MTIF2: variants seen among roughly 807,000 people sequenced by gnomAD.
The protein encoded by MTIF2 is mitochondrial translational initiation factor 2.
Under a neutral mutation model 83.5 loss-of-function variants are expected in MTIF2, and 71 were observed. The ratio of observed to expected loss-of-function variants is 0.85; its 90% CI spans 0.70 to 1.04. The LOEUF (loss-of-function observed/expected upper bound fraction) is 1.04. Ranked by LOEUF, MTIF2 falls within the 50% of genes least tolerant of loss-of-function variation. The pLI, the probability that MTIF2 is intolerant of heterozygous loss-of-function variation, is 0.00. For synonymous variants in MTIF2, 319 were observed against 287.1 expected (o/e 1.11, Z -1.12); for missense variants, 957 against 846.5 (o/e 1.13, Z -1.62).
intron 13 of MTIF2, 70 bp downstream of exon 13, chr2:55,242,870 A>ATT: frequency 2.0e-6 from 3 of 1,501,054 alleles, no homozygotes; most frequent in Non-Finnish European, 1.8e-6. Context: ...GCCAAGCAAC[A>ATT]AAAGACAGAA....
intron 3 of MTIF2, among the ~76,000 whole-genome samples, chr2:55,264,982 C>A (rs930399462): frequency 3.9e-5 from 6 of 151,992 alleles, no homozygotes; most frequent in African/African-American, 1.4e-4. Flanking sequence ...GTGGCTCATG[C>A]CTGTAATCCC....
At chr2:55,243,805 T>C (rs958251905) in intron 11 of MTIF2, 137 bp from the exon 12 acceptor site, 8 of 1,081,064 alleles carry the variant, frequency 7.4e-6, no homozygotes, top group Non-Finnish European at 1.0e-5. Flanking sequence ...TCAAGAAACA[T>C]GTAAAATTTT....
rs1676486736 is a variant in MTIF2 at position 55,243,668 on chromosome 2, G to A, written c.1312C>T (p.Pro438Ser). 6.2e-7 allele frequency: 1 copy of A among 1,610,878 alleles called. No individual in the cohort carries two copies. The highest frequency in any genetic ancestry group is 8.5e-7 in the Non-Finnish European group (1 of 1,179,084). ...GEEILEVESEPRAREVVDWRK... is the reference protein window; with the variant it reads ...GEEILEVESESRAREVVDWRK... ...CAGTCAACAACTTCACGTGCCCTTG[G>A]CTTTATAGGGGAAAAACGTATTATT... Residue 438 changes from proline to serine, a missense_variant and splice_region_variant, in exon 12 of 16, where the codon CCA becomes TCA. Pro to Ser is a moderately conservative substitution (Grantham distance 74). Transcript: ENST00000263629.
At chr2:55,242,170 C>G (rs896564672) in intron 13 of MTIF2, among the ~76,000 whole-genome samples, 9 of 151,190 alleles carry the variant, frequency 6.0e-5, no homozygotes, top group Admixed American at 1.3e-4. Context: ...AAAAAAAAGT[C>G]ATTTCAATAT....
At position 55,236,713 on chromosome 2, in the gene MTIF2, C is replaced by G; in HGVS notation, c.2119G>C (p.Asp707His). 1.2e-6 allele frequency: 2 copies of G among 1,609,518 alleles called. No individual in the cohort carries two copies. The highest frequency in any genetic ancestry group is 8.5e-7 in the Non-Finnish European group (1 of 1,178,800). ...TTTTCTTCATAACAAACAATTCTGT[C>G]TCCCACTTGAAATTCCATATTGTCT... ...DEDNMEFQVG[D>H]RIVCYEEKQI... The change falls in exon 16 of 16, where the codon GAC (aspartate) becomes CAC (histidine). Residue 707 changes from aspartate to histidine, a missense_variant. This residue lies in a region of MTIF2 where 221 missense variants were observed against 180.6 expected (regional missense o/e 1.22). Coordinates refer to ENST00000263629, the MANE Select transcript of MTIF2 (RefSeq NM_002453.3).
chr2:55,256,305 C>T (rs1221658447), intron 5 of MTIF2, among the ~76,000 whole-genome samples: 2 of 11,138 alleles, frequency 1.8e-4, no homozygotes, highest in Non-Finnish European at 7.7e-4. Flanking sequence ...CACATATACA[C>T]ACACACACAC....
chr2:55,246,558 A>G, intron 9 of MTIF2, 97 bp from the exon 10 acceptor site: 1 of 999,730 alleles, frequency 1.0e-6, no homozygotes, highest in Middle Eastern at 2.2e-4. Context: ...TGCAAGTTAT[A>G]TTATACTTTT....
At chr2:55,268,180 G>A (rs1002636626) in intron 2 of MTIF2, among the ~76,000 whole-genome samples, 2 of 151,964 alleles carry the variant, frequency 1.3e-5, no homozygotes, top group African/African-American at 4.8e-5. Flanking sequence ...TTGAACCCAG[G>A]AGGCAGAGAC....
intron 1 of MTIF2, 73 bp from the exon 2 acceptor site, chr2:55,268,812 C>T (rs1678623568): frequency 6.6e-6 from 1 of 152,202 alleles, no homozygotes; most frequent in Non-Finnish European, 1.5e-5. Context: ...AGCTTTGGAA[C>T]TTACCAGAAA....
chr2:55,245,729 T>A (rs1316816866), intron 10 of MTIF2, among the ~76,000 whole-genome samples: 1 of 144,428 alleles, frequency 6.9e-6, no homozygotes, highest in Non-Finnish European at 1.5e-5. Flanking sequence ...AAATGGGATG[T>A]TAGGTGTTTC....
At chr2:55,252,788 G>C in intron 7 of MTIF2, 135 bp from the exon 8 acceptor site, 1 of 581,980 alleles carries the variant, frequency 1.7e-6, no homozygotes, top group Non-Finnish European at 2.9e-6. Context: ...ATCTTAATCA[G>C]AACACAGATC....
At chr2:55,237,019 CAA>C (rs917512312) in intron 15 of MTIF2, among the ~76,000 whole-genome samples, 199 bp from the exon 16 acceptor site, 2 of 152,154 alleles carry the variant, frequency 1.3e-5, no homozygotes, top group Admixed American at 6.5e-5. Flanking sequence ...TGATTTGTAA[CAA>C]AATAACCTAA....
At chr2:55,260,396 G>C (rs1677873953) in intron 5 of MTIF2, among the ~76,000 whole-genome samples, 2 of 121,952 alleles carry the variant, frequency 1.6e-5, no homozygotes, top group African/African-American at 6.2e-5. Flanking sequence ...GTGAAACTCT[G>C]TCTCAAAAAA....
At chr2:55,262,539 T>TTA in intron 4 of MTIF2, 112 bp from the exon 5 acceptor site, 52 of 479,370 alleles carry the variant, frequency 1.1e-4, no homozygotes, top group Non-Finnish European at 1.6e-4. Flanking sequence ...TTCTTTTTTT[T>TTA]TCTTTTTTTT....
At chr2:55,249,101 G>A (rs947479841) in intron 9 of MTIF2, among the ~76,000 whole-genome samples, 1 of 152,062 alleles carries the variant, frequency 6.6e-6, no homozygotes, top group Non-Finnish European at 1.5e-5. Context: ...ATGGCACCAC[G>A]TCTTTGTCCT....
Position 55,243,473 on chromosome 2 carries a change from A to G in MTIF2, c.1507T>C (p.Leu503=), listed in dbSNP as rs958985534. 3 of 1,613,686 alleles carry G rather than the reference A, an allele frequency of 1.9e-6. No individual in the cohort carries two copies. The Admixed American group carries it at 5.0e-5, about 27-fold the overall frequency. ...RFLERKEQIP[L]KPKEKRERDS... ...CTTTCCCTTTTCTCTTTTGGCTTTA[A>G]GGGTATTTGTTCTTTTCTTTCTAAA... The change falls in exon 12 of 16, where the codon TTA becomes CTA. Residue 503 remains leucine, a synonymous_variant. Transcript: ENST00000263629.
chr2:55,242,893 G>A, intron 13 of MTIF2, 47 bp downstream of exon 13: 1 of 1,569,862 alleles, frequency 6.4e-7, no homozygotes. Flanking sequence ...AGATGGTTCA[G>A]TGTTATTTGG....
chr2:55,260,228 C>T (rs1308441381), intron 5 of MTIF2, among the ~76,000 whole-genome samples: 3 of 151,722 alleles, frequency 2.0e-5, no homozygotes, highest in East Asian at 2.0e-4. Flanking sequence ...GGAGAAACTC[C>T]GTCTCTACTA....
At chr2:55,263,068 G>A (rs1678159049) in intron 4 of MTIF2, among the ~76,000 whole-genome samples, 1 of 152,044 alleles carries the variant, frequency 6.6e-6, no homozygotes, top group African/African-American at 2.4e-5. Context: ...TCACCATGTT[G>A]GCCAGGACGG....
Sources: allele counts gnomAD v4.1 joint callset (sites outside exome capture counted in the v4.1 genomes callset), GRCh38; gene constraint gnomAD v4.1.1; regional missense constraint gnomAD v4.1.1; transcripts MANE v1.5; gene names NCBI Gene and HGNC (gene_info 2026-07-23, HGNC 2026-07-21).